Variants in COG5 observed in about 807,000 individuals in gnomAD.
The protein encoded by COG5 is component of oligomeric golgi complex 5.
Under a neutral mutation model 110.4 loss-of-function variants are expected in COG5, and 86 were observed. The ratio of observed to expected loss-of-function variants is 0.78; its 90% CI spans 0.65 to 0.93. COG5 has a LOEUF of 0.93. Among genes scored for constraint, COG5 ranks in the 40% least tolerant of loss-of-function variants. The pLI, the probability that COG5 is intolerant of heterozygous loss-of-function variation, is 0.00. For synonymous variants in COG5, 360 were observed against 334.6 expected, an observed-to-expected ratio of 1.08 and a Z score of -0.83; for missense variants, 1,077 against 987.0, an observed-to-expected ratio of 1.09 and a Z score of -1.22.
At chr7:107,343,708 C>T (rs1206181537) in intron 10 of COG5, among the ~76,000 whole-genome samples, 2 of 151,958 alleles carry the variant, frequency 1.3e-5, no homozygotes. Context: ...AACCCAAAAA[C>T]ACATAATAAA....
intron 6 of COG5, among the ~76,000 whole-genome samples, chr7:107,485,624 C>T (rs1418537108): frequency 6.6e-6 from 1 of 151,906 alleles, no homozygotes; most frequent in Non-Finnish European, 1.5e-5. Flanking sequence ...ATCATAAATC[C>T]CAGTTACTAT....
chr7:107,204,870 C>G (rs1353063532), intron 21 of COG5, among the ~76,000 whole-genome samples: 2 of 152,232 alleles, frequency 1.3e-5, no homozygotes, highest in African/African-American at 4.8e-5. Flanking sequence ...GCCTCAAACT[C>G]ATTTGTCAAA....
At chr7:107,470,960 C>G (rs1796598493) in intron 6 of COG5, among the ~76,000 whole-genome samples, 1 of 151,746 alleles carries the variant, frequency 6.6e-6, no homozygotes, top group Non-Finnish European at 1.5e-5. Flanking sequence ...AAACCATGTG[C>G]TAATAATTAG....
chr7:107,508,032 C>T (rs1332130238), intron 6 of COG5, among the ~76,000 whole-genome samples: 1 of 152,180 alleles, frequency 6.6e-6, no homozygotes, highest in East Asian at 1.9e-4. Context: ...ACAGTGGGTG[C>T]AAGACAGTGG....
intron 6 of COG5, among the ~76,000 whole-genome samples, chr7:107,466,164 A>C (rs1796284030): frequency 6.6e-6 from 1 of 152,206 alleles, no homozygotes; most frequent in Admixed American, 6.5e-5. Flanking sequence ...AATCCATAAT[A>C]TTTAGGAAGG....
chr7:107,456,404 T>C (rs552443382), intron 6 of COG5, among the ~76,000 whole-genome samples: 13 of 152,318 alleles, frequency 8.5e-5, no homozygotes, highest in East Asian at 5.8e-4. Context: ...TTTATGAAAC[T>C]ACTCTTTTCA....
chr7:107,290,230 C>CT (rs1264057164), intron 12 of COG5, among the ~76,000 whole-genome samples: 2 of 151,856 alleles, frequency 1.3e-5, no homozygotes, highest in Admixed American at 6.6e-5. Context: ...ACCCTCCCCA[C>CT]TTTTTTTCTT....
chr7:107,563,663 A>C, intron 1 of COG5, 140 bp downstream of exon 1: 1 of 921,764 alleles, frequency 1.1e-6, no homozygotes, highest in Non-Finnish European at 1.8e-6. Flanking sequence ...TACCCAAGCC[A>C]GGGGGCCGGG....
chr7:107,499,408 A>ATTT (rs35466632), intron 6 of COG5, among the ~76,000 whole-genome samples: 2 of 145,774 alleles, frequency 1.4e-5, no homozygotes, highest in Non-Finnish European at 3.0e-5. Context: ...AGAGGAGTAA[A>ATTT]TTTTTTTTTT....
At chr7:107,441,116 A>G (rs1217128752) in intron 6 of COG5, among the ~76,000 whole-genome samples, 2 of 151,794 alleles carry the variant, frequency 1.3e-5, no homozygotes, top group East Asian at 3.9e-4. Context: ...TTAGCCGGGC[A>G]TGGTGGCGGG....
chr7:107,266,684 C>T (rs1202783983), intron 14 of COG5, among the ~76,000 whole-genome samples: 2 of 151,912 alleles, frequency 1.3e-5, no homozygotes, highest in African/African-American at 4.8e-5. Context: ...TTTTTTGATA[C>T]TCTTCCCTCA....
At chr7:107,250,692 TA>T (rs201671762) in intron 16 of COG5, among the ~76,000 whole-genome samples, 18 of 151,074 alleles carry the variant, frequency 1.2e-4, no homozygotes, top group East Asian at 7.8e-4. Flanking sequence ...AATGAAAATG[TA>T]AAAAAAAAGT....
At chr7:107,373,814 A>T (rs540759076) in intron 7 of COG5, among the ~76,000 whole-genome samples, 1 of 152,306 alleles carries the variant, frequency 6.6e-6, no homozygotes, top group Admixed American at 6.5e-5. Flanking sequence ...GTTATCAGAG[A>T]CACATGGTTA....
intron 6 of COG5, among the ~76,000 whole-genome samples, chr7:107,429,895 T>C (rs1446228220): frequency 1.3e-5 from 2 of 152,228 alleles, no homozygotes; most frequent in African/African-American, 4.8e-5. Flanking sequence ...CTCTTTCTTT[T>C]GTAAATTGCT....
chr7:107,376,256 C>G lies in COG5; in HGVS notation c.670-3496G>C, dbSNP rs139244207. Among the ~76,000 whole-genome samples the G allele has an allele frequency of 3.4e-3, 512 of 152,078 alleles. 4 individuals are homozygous for G. The highest frequency in any genetic ancestry group is 0.012 in the African/African-American group (483 of 41,560). On this transcript the variant is annotated intron_variant, in intron 7 of 21. Coordinates refer to ENST00000297135, the MANE Select transcript of COG5 (RefSeq NM_006348.5). ...GTTCTTCAATTTGGTATAGGCTCTT[C>G]TTGATATATGACACTTCCATATAAA...
rs1235665397 is a variant in COG5 at position 107,474,394 on chromosome 7, G to A, written c.538+52843C>T. On this transcript the variant is annotated intron_variant, in intron 6 of 21. Transcript: ENST00000297135. The surrounding 1 kb of genome is among the most constrained non-coding windows in gnomAD (Gnocchi z 5.7). ...TCTGCTTTCACTGGAGAGTAACACT[G>A]CTCTCATTTGCTGTTTCCATGAGGC... 2.5e-6 allele frequency: 4 copies of A among 1,610,698 alleles called. No individual in the cohort carries two copies. The highest frequency in any genetic ancestry group is 3.4e-6 in the Non-Finnish European group (4 of 1,177,112).
chr7:107,401,156 G>A (rs183438500), intron 7 of COG5, among the ~76,000 whole-genome samples: 6 of 151,876 alleles, frequency 4.0e-5, no homozygotes, highest in South Asian at 4.1e-4. Flanking sequence ...AACAGGCCAC[G>A]GGCTGTAGTT....
chr7:107,559,963 AT>A (rs1803645907), intron 1 of COG5, among the ~76,000 whole-genome samples: 1 of 152,230 alleles, frequency 6.6e-6, no homozygotes, highest in Admixed American at 6.5e-5. Flanking sequence ...GACATTTGAA[AT>A]GTTTAACCAT....
chr7:107,391,582 CTA>C (rs1175836595), intron 7 of COG5, among the ~76,000 whole-genome samples: 8 of 152,154 alleles, frequency 5.3e-5, no homozygotes, highest in Non-Finnish European at 1.0e-4. Context: ...ACACTTCCCC[CTA>C]TGTTTTCTTC....
Sources: allele counts gnomAD v4.1 joint callset (sites outside exome capture counted in the v4.1 genomes callset), GRCh38; gene constraint gnomAD v4.1.1; non-coding constraint Gnocchi (gnomAD v3.1); transcripts MANE v1.5; gene names NCBI Gene and HGNC (gene_info 2026-07-23, HGNC 2026-07-21).